Variants in CNTNAP5 observed in about 807,000 individuals in gnomAD.
The protein encoded by CNTNAP5 is contactin associated protein family member 5.
CNTNAP5 carries 72 observed loss-of-function variants against 150.2 expected under a neutral mutation model. That is an observed-to-expected ratio of 0.48 (90% confidence interval 0.40 to 0.58). CNTNAP5 has a LOEUF of 0.58. Among genes scored for constraint, CNTNAP5 ranks in the 20% least tolerant of loss-of-function variants. The pLI, the probability that CNTNAP5 is intolerant of heterozygous loss-of-function variation, is 0.00. For synonymous variants in CNTNAP5, 672 were observed against 619.8 expected (o/e 1.08, Z -1.25); for missense variants, 1,636 against 1,626.2 (o/e 1.01, Z -0.10).
chr2:124,826,992 C>T (rs1435367468), intron 19 of CNTNAP5, among the ~76,000 whole-genome samples: 1 of 152,114 alleles, frequency 6.6e-6, no homozygotes, highest in African/African-American at 2.4e-5. Context: ...GCAATCAGAG[C>T]TTACTGCAGC....
chr2:124,765,553 A>G (rs1206746233), intron 16 of CNTNAP5, among the ~76,000 whole-genome samples: 1 of 152,180 alleles, frequency 6.6e-6, no homozygotes, highest in Non-Finnish European at 1.5e-5. Context: ...AGAATATAAT[A>G]TTTATTAAGT....
chr2:124,214,069 G>A (rs763754524), intron 1 of CNTNAP5, among the ~76,000 whole-genome samples: 2 of 152,086 alleles, frequency 1.3e-5, no homozygotes, highest in Non-Finnish European at 2.9e-5. Flanking sequence ...ACTCTGAAAT[G>A]GACAAAAAAT....
At chr2:124,162,221 G>A (rs963619950) in intron 1 of CNTNAP5, among the ~76,000 whole-genome samples, 1 of 152,036 alleles carries the variant, frequency 6.6e-6, no homozygotes, top group East Asian at 1.9e-4. Context: ...TAAATGTTGG[G>A]TTTTTTTTGT....
At chr2:124,462,481 TA>T (rs1319233615) in intron 6 of CNTNAP5, among the ~76,000 whole-genome samples, 4 of 152,346 alleles carry the variant, frequency 2.6e-5, no homozygotes, top group South Asian at 4.1e-4. Flanking sequence ...GGGAATATTT[TA>T]ATACAAGTAT....
At chr2:124,707,102 A>AGGAGGAGG (rs1223554516) in intron 13 of CNTNAP5, among the ~76,000 whole-genome samples, 2 of 132,842 alleles carry the variant, frequency 1.5e-5, no homozygotes, top group African/African-American at 5.8e-5. Context: ...GAAGAAGAGG[A>AGGAGGAGG]AGAAGAAGAG....
At chr2:124,373,507 A>G (rs1019361111) in intron 3 of CNTNAP5, among the ~76,000 whole-genome samples, 3 of 152,150 alleles carry the variant, frequency 2.0e-5, no homozygotes, top group African/African-American at 4.8e-5. Context: ...GTTCACTGAT[A>G]AATTGAGATT....
At chr2:124,779,113 G>A (rs1395709367) in intron 17 of CNTNAP5, among the ~76,000 whole-genome samples, 1 of 152,202 alleles carries the variant, frequency 6.6e-6, no homozygotes, top group African/African-American at 2.4e-5. Flanking sequence ...CTGTGGCTGG[G>A]AGTGCTGTTG....
At chr2:124,667,798 C>A (rs1678731734) in intron 13 of CNTNAP5, among the ~76,000 whole-genome samples, 1 of 152,094 alleles carries the variant, frequency 6.6e-6, no homozygotes, top group Non-Finnish European at 1.5e-5. Context: ...GCAATGGCAC[C>A]TTTGTTGATG....
rs965588838 is a variant in CNTNAP5 at position 124,473,248 on chromosome 2, G to A, written c.919-1491G>A. On this transcript the variant is annotated intron_variant, in intron 6 of 23. Coordinates refer to ENST00000682447, the MANE Select transcript of CNTNAP5 (RefSeq NM_001367498.1). ...AAATATTCTGAAAATAGAAAACAAC[G>A]GTGGGTTCTTGGAAAGAAAAATCAA... 5.4e-5 allele frequency among the ~76,000 whole-genome samples: 8 copies of A among 148,520 alleles called. No individual in the cohort carries two copies. In the East Asian group the frequency reaches 1.2e-3, roughly 22 times the overall value.
At chr2:124,155,316 C>T (rs899558034) in intron 1 of CNTNAP5, among the ~76,000 whole-genome samples, 1 of 152,012 alleles carries the variant, frequency 6.6e-6, no homozygotes, top group Non-Finnish European at 1.5e-5. Context: ...TCAGCTACTG[C>T]TCTTCAACCT....
intron 12 of CNTNAP5, among the ~76,000 whole-genome samples, chr2:124,625,371 AT>A: frequency 6.6e-6 from 1 of 152,098 alleles, no homozygotes; most frequent in Admixed American, 6.5e-5. Context: ...TGGGATGAAC[AT>A]TTAAGACGCT....
intron 7 of CNTNAP5, among the ~76,000 whole-genome samples, chr2:124,496,996 A>G (rs1694165511): frequency 6.6e-6 from 1 of 152,102 alleles, no homozygotes; most frequent in South Asian, 2.1e-4. Context: ...TTCCCAGGTG[A>G]CTCAAGGTCA....
chr2:124,461,704 A>G (rs1426374939), intron 6 of CNTNAP5, among the ~76,000 whole-genome samples: 1 of 151,922 alleles, frequency 6.6e-6, no homozygotes, highest in Non-Finnish European at 1.5e-5. Flanking sequence ...AAAAAATACA[A>G]AAATTAGCCA....
chr2:124,776,122 T>C (rs1464942271), intron 17 of CNTNAP5, among the ~76,000 whole-genome samples: 3 of 152,194 alleles, frequency 2.0e-5, no homozygotes, highest in African/African-American at 7.2e-5. Flanking sequence ...GTCATGCCCA[T>C]GTGTACGTAA....
Position 124,025,875 on chromosome 2 carries a change from A to G in CNTNAP5, c.82+143A>G, listed in dbSNP as rs569694609. 8 of 728,660 alleles carry G rather than the reference A, an allele frequency of 1.1e-5. No homozygotes were observed. In the South Asian group the frequency reaches 1.2e-4, roughly 11 times the overall value. The allele number at this position is 728,660 out of a possible 1,614,324, so 45.1% of individuals were successfully genotyped here. ...AAATGCTGATCAGTGTGGTTCCATC[A>G]CTCCAACCATCCCAAAAGTTAGTAG... On this transcript the variant is annotated intron_variant, in intron 1 of 23. Coordinates refer to ENST00000682447, the MANE Select transcript of CNTNAP5 (RefSeq NM_001367498.1).
chr2:124,107,723 G>T (rs150923816), intron 1 of CNTNAP5, among the ~76,000 whole-genome samples: 1 of 152,180 alleles, frequency 6.6e-6, no homozygotes, highest in African/African-American at 2.4e-5. Flanking sequence ...TCTGAGACAG[G>T]TCTTTACCAA....
intron 13 of CNTNAP5, among the ~76,000 whole-genome samples, chr2:124,733,477 G>T (rs906288063): frequency 3.9e-5 from 6 of 152,028 alleles, no homozygotes; most frequent in Non-Finnish European, 7.4e-5. Flanking sequence ...AATGTGGAAG[G>T]GTGGAAGTCA....
chr2:124,167,825 T>C (rs944018673), intron 1 of CNTNAP5, among the ~76,000 whole-genome samples: 3 of 152,032 alleles, frequency 2.0e-5, no homozygotes, highest in Non-Finnish European at 2.9e-5. Context: ...TGAAATCTGT[T>C]GAAGAAAGAC....
intron 3 of CNTNAP5, among the ~76,000 whole-genome samples, chr2:124,329,602 AC>A (rs1689299392): frequency 6.6e-6 from 1 of 152,190 alleles, no homozygotes; most frequent in Non-Finnish European, 1.5e-5. Context: ...AAAGTTTCAT[AC>A]ATCAAAAACT....
Sources: gnomAD v4.1 joint callset for allele counts (sites outside exome capture counted in the v4.1 genomes callset) on GRCh38, gnomAD v4.1.1 for gene constraint, MANE v1.5 for transcripts, NCBI Gene and HGNC (gene_info 2026-07-23, HGNC 2026-07-21) for gene names.